The following LTBP1 variants were observed in gnomAD, a reference collection of about 807,000 sequenced individuals.
LTBP1 encodes the protein latent transforming growth factor beta binding protein 1, also known as latent-transforming growth factor beta-binding protein 1.
LTBP1 carries 129 observed loss-of-function variants against 207.6 expected under a neutral mutation model. The ratio of observed to expected loss-of-function variants is 0.62; its 90% confidence interval spans 0.54 to 0.72. The LOEUF is 0.72. Ranked by LOEUF, LTBP1 falls within the 30% of genes least tolerant of loss-of-function variation. The probability of loss-of-function intolerance (pLI) is 0.00; values close to 1 mark genes in which losing one functional copy is unlikely to be tolerated. For synonymous variants in LTBP1, 963 were observed against 833.7 expected (o/e 1.16, Z -2.67); for missense variants, 2,281 against 2,217.2 (o/e 1.03, Z -0.58).
intron 5 of LTBP1, among the ~76,000 whole-genome samples, chr2:33,142,127 C>G (rs1558695065): frequency 6.6e-6 from 1 of 152,158 alleles, no homozygotes; most frequent in Non-Finnish European, 1.5e-5. Context: ...TCTCGGCTCA[C>G]TGCAAGCTCC....
chr2:33,243,621 G>T, intron 9 of LTBP1, 41 bp from the exon 10 acceptor site: 1 of 1,607,156 alleles, frequency 6.2e-7, no homozygotes, highest in South Asian at 1.1e-5. Context: ...CTGCTCAATG[G>T]GGCTTGACTG....
intron 10 of LTBP1, among the ~76,000 whole-genome samples, chr2:33,252,264 C>G (rs1213209184): frequency 6.6e-6 from 1 of 152,200 alleles, no homozygotes; most frequent in African/African-American, 2.4e-5. Flanking sequence ...CCTCATTCTC[C>G]AAAGTGCCTG....
At chr2:33,282,061 G>GAATATATA (rs2093568700) in intron 19 of LTBP1, among the ~76,000 whole-genome samples, 1 of 95,974 alleles carries the variant, frequency 1.0e-5, no homozygotes, top group South Asian at 3.5e-4. Context: ...ACCTATATGT[G>GAATATATA]CATATATATA....
In LTBP1 at chr2:33,134,588, C is replaced by A; in HGVS notation, c.1034-205C>A. 9 of 1,537,716 alleles carry A rather than the reference C, an allele frequency of 5.9e-6. No homozygotes were observed. Among genetic ancestry groups the A allele is most frequent in the Admixed American group, 2.0e-5 (1 of 50,552 alleles). On this transcript the variant is annotated intron_variant, in intron 4 of 33. Coordinates refer to ENST00000404816, the MANE Select transcript of LTBP1 (RefSeq NM_206943.4). The surrounding 1 kb of genome is among the most constrained non-coding windows in gnomAD (Gnocchi z 4.4). ...AGTTCTGTTTGCTAAGCTTCCTACT[C>A]CTGTTTCAGAGACACCACTGAATAC...
At chr2:33,274,367 G>A (rs2093382515) in intron 16 of LTBP1, among the ~76,000 whole-genome samples, 1 of 149,914 alleles carries the variant, frequency 6.7e-6, no homozygotes, top group Non-Finnish European at 1.5e-5. Context: ...AGAAAATTCA[G>A]CACTAAATTA....
intron 3 of LTBP1, among the ~76,000 whole-genome samples, chr2:33,105,148 A>G (rs919315427): frequency 6.6e-6 from 1 of 152,072 alleles, no homozygotes; most frequent in Non-Finnish European, 1.5e-5. Flanking sequence ...CCTTCCTCCC[A>G]AAGTCATCAT....
At chr2:33,354,467 G>T (rs918018576) in intron 26 of LTBP1, among the ~76,000 whole-genome samples, 1 of 151,666 alleles carries the variant, frequency 6.6e-6, no homozygotes, top group East Asian at 1.9e-4. Flanking sequence ...AGGAAAATAC[G>T]TTCATTTGTT....
chr2:33,332,705 C>T (rs1573884081), intron 24 of LTBP1, among the ~76,000 whole-genome samples: 1 of 152,012 alleles, frequency 6.6e-6, no homozygotes, highest in Admixed American at 6.6e-5. Context: ...TACAGGCGCC[C>T]ACCACCATGC....
At chr2:32,961,558 C>A (rs79413782) in intron 2 of LTBP1, among the ~76,000 whole-genome samples, 8,236 of 152,168 alleles carry the variant, frequency 0.054, 257 homozygotes, top group Middle Eastern at 0.071. Context: ...GTTCATCCCC[C>A]CCACCTCAAC....
In LTBP1 at chr2:32,961,919, T is replaced by C. The variant is rs1430671245; in HGVS notation, c.565+12974T>C. ...AAGATTGTGCCATTGCACTCCAGCC[T>C]GGGCAACAATAGTGAAACTCCGTCT... On this transcript the variant is annotated intron_variant, in intron 2 of 33. Transcript: ENST00000404816. Among the ~76,000 whole-genome samples, 4 of 141,442 alleles carry C rather than the reference T, an allele frequency of 2.8e-5. No individual in the cohort carries two copies. The East Asian group carries it at 8.2e-4, about 29-fold the overall frequency. 92.8% of individuals were successfully genotyped at this position (141,442 alleles called of 152,430 possible).
intron 3 of LTBP1, among the ~76,000 whole-genome samples, chr2:33,057,421 C>T (rs902256578): frequency 7.2e-5 from 11 of 152,236 alleles, no homozygotes; most frequent in African/African-American, 2.2e-4. Flanking sequence ...CCGCGCCATG[C>T]GCCTGCACTC....
intron 2 of LTBP1, among the ~76,000 whole-genome samples, chr2:33,016,821 A>C (rs572817002): frequency 2.0e-4 from 30 of 152,294 alleles, no homozygotes; most frequent in Admixed American, 1.8e-3. Context: ...TCAGGAGTTC[A>C]AGGCCAGCCT....
chr2:33,360,589 C>G lies in LTBP1; in HGVS notation c.4001-8C>G. Reference sequence around the variant, plus strand: ...CTATTGTCACTCTACTTTCTCTACTCCATTTAGATTTAGATGTAGATGTAG... The same window carrying G: ...CTATTGTCACTCTACTTTCTCTACTGCATTTAGATTTAGATGTAGATGTAG... On this transcript the variant is annotated splice_polypyrimidine_tract_variant and splice_region_variant and intron_variant, in intron 26 of 33. Coordinates refer to ENST00000404816, the MANE Select transcript of LTBP1 (RefSeq NM_206943.4). 1 of 1,599,134 alleles carries G rather than the reference C, an allele frequency of 6.3e-7. No homozygotes were observed. The highest frequency in any genetic ancestry group is 2.2e-5 in the East Asian group (1 of 44,822).
chr2:32,976,528 C>T (rs778221330), intron 2 of LTBP1, among the ~76,000 whole-genome samples: 1 of 152,234 alleles, frequency 6.6e-6, no homozygotes, highest in East Asian at 1.9e-4. Flanking sequence ...CAGATAGGCT[C>T]TTACCGTACT....
Position 33,213,346 on chromosome 2 carries a change from T to G in LTBP1, c.1702-4206T>G, listed in dbSNP as rs113052450. 4.9e-4 allele frequency among the ~76,000 whole-genome samples: 74 copies of G among 152,352 alleles called. 2 individuals are homozygous for G. Among genetic ancestry groups the G allele is most frequent in the African/African-American group, 1.7e-3 (70 of 41,584 alleles). ...CTTTCCATGTTAATGTAGTGAATAA[T>G]TCACAAAGGAGGAATTCCATTTGTG... On this transcript the variant is annotated intron_variant, in intron 7 of 33. Transcript: ENST00000404816.
chr2:33,317,302 A>G (rs186254770), intron 24 of LTBP1, among the ~76,000 whole-genome samples: 62 of 152,320 alleles, frequency 4.1e-4, no homozygotes, highest in Admixed American at 3.3e-3. Context: ...CAGAACCTGG[A>G]CAATTTTATA....
intron 4 of LTBP1, among the ~76,000 whole-genome samples, chr2:33,130,563 C>T (rs939403648): frequency 6.6e-6 from 1 of 152,156 alleles, no homozygotes; most frequent in African/African-American, 2.4e-5. Context: ...CTATTGTTAA[C>T]AACCCCGAAG....
At position 33,398,467 on chromosome 2, in the gene LTBP1, C is replaced by T. The variant is rs779004658; in HGVS notation, c.5088C>T (p.Tyr1696=). ...GSYKCLCLPG[Y]VPSDKPNYCT... is the part of the protein sequence containing the mutation. The stretch of plus-strand genomic sequence containing the variant: ...ACAAGTGTTTGTGTCTGCCAGGCTA[C>T]GTGCCTTCTGACAAGCCAAACTACT... The change falls in exon 34 of 34, where the codon TAC becomes TAT. Residue 1696 remains tyrosine (Y), a synonymous_variant. Transcript: ENST00000404816. The T allele has an allele frequency of 1.1e-5, 18 of 1,614,070 alleles. No individual in the cohort carries two copies. Among genetic ancestry groups the T allele is most frequent in the South Asian group, 2.2e-5 (2 of 91,092 alleles).
At chr2:33,348,823 A>G (rs1464247331) in intron 26 of LTBP1, among the ~76,000 whole-genome samples, 2 of 152,226 alleles carry the variant, frequency 1.3e-5, no homozygotes, top group Non-Finnish European at 2.9e-5. Context: ...GTGAGAATAC[A>G]TAAAAAGGTA....
Sources: gnomAD v4.1 joint callset for allele counts (sites outside exome capture counted in the v4.1 genomes callset) on GRCh38, gnomAD v4.1.1 for gene constraint, Gnocchi (gnomAD v3.1) non-coding constraint, MANE v1.5 for transcripts, NCBI Gene and HGNC (gene_info 2026-07-23, HGNC 2026-07-21) for gene names.